DPP6: variants seen among roughly 807,000 people sequenced by gnomAD.
DPP6 encodes the protein dipeptidyl peptidase like 6.
A neutral mutation model predicts 122.6 loss-of-function variants in DPP6; 69 were observed. The ratio of observed to expected loss-of-function variants is 0.56; its 90% confidence interval spans 0.46 to 0.69. The LOEUF is 0.69. DPP6 is among the 30% of genes least tolerant of loss of function. The pLI is 0.00. For missense variants in DPP6, 928 were observed against 1,116.9 expected, an observed-to-expected ratio of 0.83 and a Z score of 2.41; for synonymous variants, 418 against 433.1, an observed-to-expected ratio of 0.97 and a Z score of 0.43.
At chr7:153,867,355 A>T in the DPP6 span, among the ~76,000 whole-genome samples, 2 of 152,150 alleles carry the variant, frequency 1.3e-5, no homozygotes, top group African/African-American at 4.8e-5. Flanking sequence ...CTCCTTGAAG[A>T]GGTCCTTCAT....
intron 5 of DPP6, among the ~76,000 whole-genome samples, chr7:154,622,300 G>A (rs2046748): frequency 0.83 from 126,654 of 152,154 alleles, 53,454 homozygotes; most frequent in Non-Finnish European, 0.9. Flanking sequence ...TGGTTTTGAC[G>A]GAATCACATA....
the DPP6 span, among the ~76,000 whole-genome samples, chr7:153,785,055 A>T: frequency 6.6e-6 from 1 of 152,214 alleles, no homozygotes. Flanking sequence ...ATAGTAGATT[A>T]TAGGGTTTTC....
intron 1 of DPP6, among the ~76,000 whole-genome samples, chr7:153,913,194 C>T (rs1231965574): frequency 1.3e-5 from 2 of 152,160 alleles, no homozygotes; most frequent in East Asian, 3.9e-4. Context: ...CATGCCTCAG[C>T]CTCCTAAGTA....
intron 1 of DPP6, among the ~76,000 whole-genome samples, chr7:154,079,392 A>G (rs1319377938): frequency 6.6e-6 from 1 of 152,210 alleles, no homozygotes; most frequent in Non-Finnish European, 1.5e-5. Context: ...CAGCCTTTGG[A>G]ACCTGTGGAG....
chr7:154,719,979 C>T (rs1249317942), intron 7 of DPP6, among the ~76,000 whole-genome samples: 1 of 152,180 alleles, frequency 6.6e-6, no homozygotes, highest in Non-Finnish European at 1.5e-5. Context: ...CTTATCCTCT[C>T]CCCCATGCTC....
chr7:153,863,652 C>T, the DPP6 span, among the ~76,000 whole-genome samples: 4 of 152,114 alleles, frequency 2.6e-5, no homozygotes, highest in African/African-American at 4.8e-5. Flanking sequence ...GTACACCCAT[C>T]GACTGAATTT....
chr7:154,459,282 A>G (rs1452901297), intron 2 of DPP6, among the ~76,000 whole-genome samples: 5 of 152,194 alleles, frequency 3.3e-5, no homozygotes, highest in Non-Finnish European at 5.9e-5. Flanking sequence ...TAGCATGCCT[A>G]TTCTCGTAGG....
At chr7:154,831,533 T>A (rs1800630185) in intron 16 of DPP6, among the ~76,000 whole-genome samples, 1 of 152,256 alleles carries the variant, frequency 6.6e-6, no homozygotes, top group Non-Finnish European at 1.5e-5. Flanking sequence ...TCTACTGCAA[T>A]TTATTTTCTC....
intron 3 of DPP6, among the ~76,000 whole-genome samples, chr7:154,492,537 C>T (rs1400037288): frequency 1.3e-5 from 2 of 152,210 alleles, no homozygotes; most frequent in African/African-American, 4.8e-5. Flanking sequence ...CCTCGTCCTT[C>T]CCTCGTTCCA....
chr7:154,088,377 C>G (rs571789386), intron 1 of DPP6, among the ~76,000 whole-genome samples: 27 of 146,908 alleles, frequency 1.8e-4, no homozygotes, highest in African/African-American at 7.0e-4. Flanking sequence ...ACACTGGTGG[C>G]TTTCTGAGAA....
intron 5 of DPP6, among the ~76,000 whole-genome samples, chr7:154,609,120 G>A (rs13235166): frequency 0.4 from 61,470 of 152,000 alleles, 13,438 homozygotes; most frequent in East Asian, 0.65. Flanking sequence ...TGTTCTCATC[G>A]TGAATTTATC....
chr7:154,527,227 C>T (rs1403869654), intron 3 of DPP6, among the ~76,000 whole-genome samples: 2 of 152,176 alleles, frequency 1.3e-5, no homozygotes, highest in African/African-American at 4.8e-5. Context: ...TTTATCAATG[C>T]TCCAATTGTT....
intron 4 of DPP6, among the ~76,000 whole-genome samples, chr7:154,561,586 T>G (rs1052311139): frequency 3.3e-5 from 5 of 152,178 alleles, no homozygotes; most frequent in Non-Finnish European, 5.9e-5. Flanking sequence ...AAAGCAATAC[T>G]TAAAGGGGAA....
intron 1 of DPP6, among the ~76,000 whole-genome samples, chr7:154,013,702 T>G (rs1798265868): frequency 6.6e-6 from 1 of 152,008 alleles, no homozygotes; most frequent in African/African-American, 2.4e-5. Flanking sequence ...CTTTCTTGTC[T>G]TTATCTTCTA....
At chr7:154,151,261 C>T (rs1024565845) in intron 1 of DPP6, among the ~76,000 whole-genome samples, 3 of 152,180 alleles carry the variant, frequency 2.0e-5, no homozygotes, top group Non-Finnish European at 4.4e-5. Flanking sequence ...CCTCTCCCAT[C>T]CATCCAGGTC....
At chr7:154,793,836 A>G (rs1299150015) in intron 10 of DPP6, 4 of 475,994 alleles carry the variant, frequency 8.4e-6, no homozygotes, top group Non-Finnish European at 1.4e-5. Context: ...ACACGCAGTG[A>G]CATGCAACTC....
chr7:153,811,867 A>G, the DPP6 span, among the ~76,000 whole-genome samples: 1 of 152,116 alleles, frequency 6.6e-6, no homozygotes, highest in African/African-American at 2.4e-5. Context: ...ATGAGATTTT[A>G]TAGCATCTTC....
chr7:154,362,758 C>A (rs1247940293), intron 1 of DPP6, among the ~76,000 whole-genome samples: 2 of 152,052 alleles, frequency 1.3e-5, no homozygotes, highest in Non-Finnish European at 2.9e-5. Context: ...AGAAGGTACT[C>A]CCTGAGCCAA....
intron 1 of DPP6, among the ~76,000 whole-genome samples, chr7:154,262,628 A>G (rs962574766): frequency 6.7e-6 from 1 of 148,482 alleles, no homozygotes; most frequent in Non-Finnish European, 1.5e-5. Flanking sequence ...TTTATTTTAA[A>G]TATGTTAGAA....
Sources: allele counts gnomAD v4.1 joint callset (sites outside exome capture counted in the v4.1 genomes callset), GRCh38; gene constraint gnomAD v4.1.1; transcripts MANE v1.5; gene names NCBI Gene and HGNC (gene_info 2026-07-23, HGNC 2026-07-21).